The following WDTC1 variants were observed in gnomAD, a reference collection of about 807,000 sequenced individuals.
WDTC1 encodes the protein WD and tetratricopeptide repeats 1.
A neutral mutation model predicts 76.0 loss-of-function variants in WDTC1; 12 were observed. The ratio of observed to expected loss-of-function variants is 0.16; its 90% CI spans 0.10 to 0.26. The LOEUF (loss-of-function observed/expected upper bound fraction) is 0.26, where lower values mean the gene tolerates loss of function less well. Ranked by LOEUF, WDTC1 falls within the 10% of genes least tolerant of loss-of-function variation. WDTC1 has a pLI of 1.00. For missense variants in WDTC1, 511 were observed against 908.8 expected, an observed-to-expected ratio of 0.56 and a Z score of 5.63; for synonymous variants, 326 against 350.8, an observed-to-expected ratio of 0.93 and a Z score of 0.79.
At chr1:27,297,884 G>A (rs2013734359) in intron 11 of WDTC1, 54 bp from the exon 12 acceptor site, 3 of 1,525,174 alleles carry the variant, frequency 2.0e-6, no homozygotes, top group African/African-American at 2.8e-5. Flanking sequence ...GACTCCCTGA[G>A]GGGCTGCTCT....
intron 1 of WDTC1, among the ~76,000 whole-genome samples, chr1:27,259,492 AAT>A (rs941694319): frequency 6.6e-6 from 1 of 151,280 alleles, no homozygotes; most frequent in African/African-American, 2.4e-5. Context: ...GTTATGATAA[AAT>A]TGTTTTCCTT....
rs561300974 is a variant in WDTC1 at position 27,292,530 on chromosome 1, C to A, written c.662+133C>A. On this transcript the variant is annotated intron_variant, in intron 7 of 15. Coordinates refer to ENST00000319394, the MANE Select transcript of WDTC1 (RefSeq NM_001276252.2). ...GCAGCCTCAACCTCCCAGGCTCAAG[C>A]GATCCTCCCATCTCAGCCTCTCAAG... The A allele has an allele frequency of 1.9e-5, 15 of 795,884 alleles. No homozygotes were observed. In the Admixed American group the frequency reaches 3.7e-4, roughly 19 times the overall value. The allele number at this position is 795,884 out of a possible 1,614,324, so 49.3% of individuals were successfully genotyped here.
chr1:27,269,912 TG>T (rs1296438714), intron 3 of WDTC1, among the ~76,000 whole-genome samples: 1 of 4,818 alleles, frequency 2.1e-4, no homozygotes, highest in African/African-American at 2.2e-4. Flanking sequence ...GCCCGGCCTT[TG>T]TTGTTGTTGT....
chr1:27,292,239 C>G lies in WDTC1; in HGVS notation c.504C>G (p.Ser168Arg). 1 of 1,602,654 alleles carries G rather than the reference C, an allele frequency of 6.2e-7. No homozygotes were observed. Among genetic ancestry groups the G allele is most frequent in the Non-Finnish European group, 8.5e-7 (1 of 1,174,090 alleles). Residue 168 changes from serine (S) to arginine (R), a missense_variant, in exon 7 of 16, where the codon AGC becomes AGG. Physicochemically the swap from Ser to Arg is moderately radical, Grantham distance 110. Coordinates refer to ENST00000319394, the MANE Select transcript of WDTC1 (RefSeq NM_001276252.2). ...LIRQYDLRENSKHSEVLIDLT... is the reference protein window; with the variant it reads ...LIRQYDLRENRKHSEVLIDLT... ...GCCAGTATGACCTTCGAGAGAACAG[C>G]AAACACTCGGAGGTGCTGATTGACC...
At chr1:27,263,358 A>G in intron 3 of WDTC1, 123 bp downstream of exon 3, 2 of 771,666 alleles carry the variant, frequency 2.6e-6, no homozygotes, top group Admixed American at 6.4e-5. Flanking sequence ...TCTGACAGTT[A>G]CTTCTCCTTC....
At chr1:27,241,918 G>T (rs1470876040) in intron 1 of WDTC1, among the ~76,000 whole-genome samples, 1 of 149,550 alleles carries the variant, frequency 6.7e-6, no homozygotes, top group Non-Finnish European at 1.5e-5. Flanking sequence ...TTTTTTGAGA[G>T]TCTCGCTGTG....
In WDTC1 at chr1:27,306,415, C is replaced by A. The variant is rs1290618434; in HGVS notation, c.*32C>A. Reference sequence around the variant, plus strand: ...CAGCCCTGGTCCCCAGCCCCTGCTACTGGCTGGACCCTCTGCCCTGGGCAG... The same window carrying A: ...CAGCCCTGGTCCCCAGCCCCTGCTAATGGCTGGACCCTCTGCCCTGGGCAG... On this transcript the variant is annotated 3_prime_UTR_variant, in exon 16 of 16. Coordinates refer to ENST00000319394, the MANE Select transcript of WDTC1 (RefSeq NM_001276252.2). This position sits in a 1 kb window ranked among gnomAD's most constrained non-coding sequence, Gnocchi z 5.0. The A allele has an allele frequency of 6.3e-7, 1 of 1,599,366 alleles. No homozygotes were observed. Among genetic ancestry groups the A allele is most frequent in the Non-Finnish European group, 8.5e-7 (1 of 1,174,880 alleles).
chr1:27,286,996 C>T (rs1394624569), intron 5 of WDTC1, among the ~76,000 whole-genome samples: 1 of 151,548 alleles, frequency 6.6e-6, no homozygotes, highest in African/African-American at 2.4e-5. Context: ...AACCCTGTCT[C>T]TACTAAAAAT....
In WDTC1 at chr1:27,305,203, C is replaced by T. The variant is rs376330386; in HGVS notation, c.1836+10C>T. 5.6e-6 allele frequency: 9 copies of T among 1,610,694 alleles called. No individual in the cohort carries two copies. The highest frequency in any genetic ancestry group is 7.6e-6 in the Non-Finnish European group (9 of 1,178,720). On this transcript the variant is annotated intron_variant, in intron 15 of 15. Transcript: ENST00000319394. This position sits in a 1 kb window ranked among gnomAD's most constrained non-coding sequence, Gnocchi z 4.6. ...GAACCCCCGACCAGAGGTGAGGGTG[C>T]AGAGCCAAGCAGAGAGGAGGGCAGG... is the stretch of plus-strand genomic sequence containing the variant.
At chr1:27,290,997 G>A (rs1317419062) in intron 6 of WDTC1, among the ~76,000 whole-genome samples, 2 of 152,198 alleles carry the variant, frequency 1.3e-5, no homozygotes, top group Admixed American at 6.5e-5. Context: ...TTTGACCTTG[G>A]CTGACCAGAT....
intron 1 of WDTC1, among the ~76,000 whole-genome samples, chr1:27,249,749 T>C (rs774561549): frequency 6.6e-6 from 1 of 152,036 alleles, no homozygotes; most frequent in Non-Finnish European, 1.5e-5. Flanking sequence ...CTGGCTAATT[T>C]TATTTTTTGT....
chr1:27,237,088 G>A (rs1335527342), intron 1 of WDTC1, among the ~76,000 whole-genome samples: 2 of 151,972 alleles, frequency 1.3e-5, no homozygotes, highest in Non-Finnish European at 2.9e-5. Flanking sequence ...CACCGACCTC[G>A]GCCTCCCAGA....
chr1:27,284,410 G>A (rs894390742), intron 5 of WDTC1, among the ~76,000 whole-genome samples: 13 of 152,140 alleles, frequency 8.5e-5, no homozygotes, highest in African/African-American at 3.1e-4. Flanking sequence ...AAATATTTTC[G>A]TAATTAATAT....
chr1:27,263,321 T>C, intron 3 of WDTC1, 86 bp downstream of exon 3: 1 of 1,337,624 alleles, frequency 7.5e-7, no homozygotes, highest in Non-Finnish European at 1.0e-6. Context: ...TATCAAGGCA[T>C]AAACAAGTGT....
At chr1:27,297,240 C>A in intron 11 of WDTC1, 84 bp downstream of exon 11, 1 of 1,266,700 alleles carries the variant, frequency 7.9e-7, no homozygotes, top group Non-Finnish European at 1.1e-6. Context: ...GTAAATCTTC[C>A]TCCTGACCCA....
intron 1 of WDTC1, among the ~76,000 whole-genome samples, chr1:27,245,673 G>A (rs1460591238): frequency 1.3e-5 from 2 of 151,146 alleles, no homozygotes; most frequent in Non-Finnish European, 2.9e-5. Flanking sequence ...GGGTTCAGAC[G>A]ATTCTCCTGC....
intron 1 of WDTC1, among the ~76,000 whole-genome samples, chr1:27,242,613 G>T (rs1366427347): frequency 1.3e-5 from 2 of 152,228 alleles, no homozygotes; most frequent in African/African-American, 4.8e-5. Flanking sequence ...GGGATAACGG[G>T]TATGCACCAC....
chr1:27,282,073 T>C (rs1001061007), intron 3 of WDTC1, among the ~76,000 whole-genome samples, 166 bp from the exon 4 acceptor site: 1 of 152,206 alleles, frequency 6.6e-6, no homozygotes, highest in African/African-American at 2.4e-5. Flanking sequence ...ACTTTATATA[T>C]TGTAAGACGC....
At position 27,306,051 on chromosome 1, in the gene WDTC1, C is replaced by T. The variant is rs2013945546; in HGVS notation, c.1837-135C>T. The T allele has an allele frequency of 1.0e-6, 1 of 984,102 alleles. No individual in the cohort carries two copies. Among genetic ancestry groups the T allele is most frequent in the African/African-American group, 1.6e-5 (1 of 62,602 alleles). 61.0% of individuals were successfully genotyped at this position (984,102 alleles called of 1,614,324 possible). On this transcript the variant is annotated intron_variant, in intron 15 of 15. Transcript: ENST00000319394. This position sits in a 1 kb window ranked among gnomAD's most constrained non-coding sequence, Gnocchi z 5.0. ...GTTGTGTGTTCCCCTCCACCATATA[C>T]ACCTCCTGGCATGTATGTGTACCTC...
Sources: gnomAD v4.1 joint callset for allele counts (sites outside exome capture counted in the v4.1 genomes callset) on GRCh38, gnomAD v4.1.1 for gene constraint, Gnocchi (gnomAD v3.1) non-coding constraint, MANE v1.5 for transcripts, NCBI Gene and HGNC (gene_info 2026-07-23, HGNC 2026-07-21) for gene names.